The following RFC1 variants were observed in gnomAD, a reference collection of about 807,000 sequenced individuals.
RFC1 encodes the protein A1 140 kDa subunit.
RFC1 carries 37 observed loss-of-function variants against 137.4 expected under a neutral mutation model. That is an observed-to-expected ratio of 0.27 (90% confidence interval 0.21 to 0.35). RFC1 has a LOEUF of 0.35. Among genes scored for constraint, RFC1 ranks in the 10% least tolerant of loss-of-function variants. RFC1 has a pLI of 1.00. For missense variants in RFC1, 1,205 were observed against 1,358.5 expected (o/e 0.89, Z 1.78); for synonymous variants, 429 against 455.7 (o/e 0.94, Z 0.75).
intron 14 of RFC1, among the ~76,000 whole-genome samples, chr4:39,306,272 C>T (rs967497591): frequency 2.6e-5 from 4 of 152,180 alleles, no homozygotes; most frequent in Admixed American, 6.5e-5. Flanking sequence ...TATTCAAAGG[C>T]ATTAAGATAT....
chr4:39,306,662 C>G lies in RFC1; in HGVS notation c.1925G>C (p.Ser642Thr). The change falls in exon 14 of 25, where the codon AGT (serine) becomes ACT (threonine). Residue 642 changes from serine to threonine, a missense_variant. By Grantham distance (58) the Ser-to-Thr change is moderately conservative. This residue lies in a region of RFC1 where 962 missense variants were observed against 1,035.3 expected (regional missense o/e 0.93). Transcript: ENST00000349703. ...GKFSGKDDGS[S>T]FKAALLSGPP... ...GCCTGACAGCAACGCTGCTTTAAAA[C>G]TAGAGCCATCATCTTTGCCGGAAAA... 1.2e-6 allele frequency: 2 copies of G among 1,613,996 alleles called. No individual in the cohort carries two copies. Among genetic ancestry groups the G allele is most frequent in the Non-Finnish European group, 1.7e-6 (2 of 1,179,864 alleles).
At position 39,303,053 on chromosome 4, in the gene RFC1, G is replaced by T; in HGVS notation, c.2202+7C>A. On this transcript the variant is annotated splice_region_variant and intron_variant, in intron 16 of 24. Transcript: ENST00000349703. ...GTGAAACTGCAAAAATACAGCACTT[G>T]AATTACCTGAATTCCTCCCCTATCC... 6.2e-7 allele frequency: 1 copy of T among 1,600,302 alleles called. No individual in the cohort carries two copies. Among genetic ancestry groups the T allele is most frequent in the Non-Finnish European group, 8.6e-7 (1 of 1,167,452 alleles).
At chr4:39,300,198 G>A (rs1475607491) in intron 20 of RFC1, 60 bp from the exon 21 acceptor site, 27 of 1,609,836 alleles carry the variant, frequency 1.7e-5, no homozygotes, top group South Asian at 4.4e-5. Flanking sequence ...CCTTCTTCAC[G>A]GGTATTTAGC....
chr4:39,324,621 C>T (rs1417838393), intron 6 of RFC1, among the ~76,000 whole-genome samples: 1 of 152,202 alleles, frequency 6.6e-6, no homozygotes, highest in Non-Finnish European at 1.5e-5. Flanking sequence ...ATATTGTTCT[C>T]TCACAATAAT....
chr4:39,312,768 T>C lies in RFC1; in HGVS notation c.1367A>G (p.Gln456Arg), dbSNP rs1342525398. 6.8e-6 allele frequency: 11 copies of C among 1,614,142 alleles called. No individual in the cohort carries two copies. Among genetic ancestry groups the C allele is most frequent in the Non-Finnish European group, 2.5e-6 (3 of 1,180,010 alleles). Residue 456 changes from glutamine to arginine, a missense_variant, in exon 11 of 25, where the codon CAG becomes CGG. Coordinates refer to ENST00000349703, the MANE Select transcript of RFC1 (RefSeq NM_002913.5). ...NYLVMGRDSG[Q>R]SKSDKAAALG... The stretch of plus-strand genomic sequence containing the variant: ...AGTACCCACCTTATCACTCTTGGAC[T>C]GTCCACTATCACGACCCATGACAAG...
chr4:39,351,378 T>C lies in RFC1; in HGVS notation c.102A>G (p.Leu34=). 1 of 1,568,006 alleles carries C rather than the reference T, an allele frequency of 6.4e-7. No individual in the cohort carries two copies. The highest frequency in any genetic ancestry group is 8.6e-7 in the Non-Finnish European group (1 of 1,163,932). The part of the protein sequence containing the change: ...NEKTKSDEET[L]KAKKGIKEIK... ...TTTCCTTTATTCCTTTCTTTGCTTT[T>C]AAAGTTTCTTCATCAGACTTTGTTT... is the stretch of plus-strand genomic sequence containing the variant. Residue 34 remains leucine (L), a synonymous_variant, in exon 2 of 25, where the codon TTA becomes TTG. Coordinates refer to ENST00000349703, the MANE Select transcript of RFC1 (RefSeq NM_002913.5).
rs111732879 is a variant in RFC1, at chr4:39,348,936, T to C, written c.132+2412A>G. ...AATTTGCCTTGCTAGGTTTTGGACT[T>C]GTTTGGGATCCATCACCCCTCCCTC... On this transcript the variant is annotated intron_variant, in intron 2 of 24. Coordinates refer to ENST00000349703, the MANE Select transcript of RFC1 (RefSeq NM_002913.5). Among the ~76,000 whole-genome samples, 468 of 152,356 alleles carry C rather than the reference T, an allele frequency of 3.1e-3. 2 individuals carry two copies. The highest frequency in any genetic ancestry group is 0.011 in the African/African-American group (441 of 41,590).
chr4:39,321,624 A>C, intron 7 of RFC1: 1 of 326,178 alleles, frequency 3.1e-6, no homozygotes, highest in Non-Finnish European at 5.6e-6. Context: ...TCTTCATCCC[A>C]ACCTGTAAAT....
At chr4:39,328,879 T>C (rs1278793657) in intron 4 of RFC1, among the ~76,000 whole-genome samples, 4 of 152,076 alleles carry the variant, frequency 2.6e-5, no homozygotes, top group Admixed American at 1.3e-4. Flanking sequence ...GCTTGGACTG[T>C]GGTGGTATTT....
At chr4:39,365,557 T>C (rs2109792106) in intron 1 of RFC1, 1 of 920,282 alleles carries the variant, frequency 1.1e-6, no homozygotes, top group Non-Finnish European at 1.3e-6. Flanking sequence ...TTGGGTTTTT[T>C]TCAGATTTTA....
At chr4:39,356,034 T>C (rs892186453) in intron 1 of RFC1, 1 of 150,646 alleles carries the variant, frequency 6.6e-6, no homozygotes, top group Non-Finnish European at 1.5e-5. Context: ...GTATAACCTT[T>C]ATGGAAGGCA....
At chr4:39,348,430 A>AAAAG (rs1740985366) in intron 2 of RFC1, among the ~76,000 whole-genome samples, 1 of 39,638 alleles carries the variant, frequency 2.5e-5, no homozygotes, top group Non-Finnish European at 6.3e-5. Flanking sequence ...TTCAAAAAAG[A>AAAAG]AAAGAAAAGA....
intron 4 of RFC1, among the ~76,000 whole-genome samples, chr4:39,338,807 A>G (rs958791691): frequency 2.6e-5 from 4 of 152,188 alleles, no homozygotes; most frequent in African/African-American, 4.8e-5. Flanking sequence ...AGGAATCCCA[A>G]ATACAGTACA....
chr4:39,366,209 C>A (rs771786414), intron 1 of RFC1, 30 bp downstream of exon 1: 1 of 1,552,474 alleles, frequency 6.4e-7, no homozygotes, highest in Non-Finnish European at 8.7e-7. Flanking sequence ...CCCCAGACCC[C>A]GAGCCGCACG....
chr4:39,358,884 G>A (rs187526236), intron 1 of RFC1, among the ~76,000 whole-genome samples: 73 of 152,276 alleles, frequency 4.8e-4, no homozygotes, highest in African/African-American at 1.0e-3. Context: ...TACCACTTAT[G>A]TACATACCGA....
intron 4 of RFC1, among the ~76,000 whole-genome samples, chr4:39,334,412 A>C (rs1307207205): frequency 2.6e-5 from 4 of 152,180 alleles, no homozygotes; most frequent in African/African-American, 9.7e-5. Flanking sequence ...TATTATGGAA[A>C]GAAGACAAAA....
chr4:39,300,343 C>T lies in RFC1; in HGVS notation c.2607G>A (p.Lys869=), dbSNP rs779540890. 2 of 1,613,960 alleles carry T rather than the reference C, an allele frequency of 1.2e-6. No individual in the cohort carries two copies. The highest frequency in any genetic ancestry group is 1.7e-6 in the Non-Finnish European group (2 of 1,179,930). Residue 869 remains lysine, a synonymous_variant, in exon 20 of 25, where the codon AAG becomes AAA. Coordinates refer to ENST00000349703, the MANE Select transcript of RFC1 (RefSeq NM_002913.5). ...AATAATCATGAAAAAAGAGATCTGA[C>T]TTGTCCACAAGTGACATGTGAGCAG... ...EETAHMSLVD[K]SDLFFHDYSI...
chr4:39,290,963 A>C (rs1020367692), intron 23 of RFC1, among the ~76,000 whole-genome samples: 1 of 152,182 alleles, frequency 6.6e-6, no homozygotes, highest in Non-Finnish European at 1.5e-5. Context: ...TCTAAACATA[A>C]TTCCTGAATT....
At chr4:39,360,667 G>A (rs1401043964) in intron 1 of RFC1, among the ~76,000 whole-genome samples, 6 of 152,072 alleles carry the variant, frequency 3.9e-5, no homozygotes, top group South Asian at 4.1e-4. Context: ...CCTGGGAAGC[G>A]GAGGTTGCAG....
Sources: gnomAD v4.1 joint callset for allele counts (sites outside exome capture counted in the v4.1 genomes callset) on GRCh38, gnomAD v4.1.1 for gene constraint, gnomAD v4.1.1 regional missense constraint, MANE v1.5 for transcripts, NCBI Gene and HGNC (gene_info 2026-07-23, HGNC 2026-07-21) for gene names.